CD46: variants seen among roughly 807,000 people sequenced by gnomAD.
CD46 encodes the protein membrane cofactor protein.
CD46 carries 30 observed loss-of-function variants against 53.3 expected under a neutral mutation model. The observed-to-expected ratio is 0.56, with a 90% confidence interval of 0.42 to 0.76. CD46 has a LOEUF of 0.76. CD46 is among the 30% of genes least tolerant of loss of function. The pLI is 0.00. For missense variants in CD46, 409 were observed against 463.0 expected (o/e 0.88, Z 1.07); for synonymous variants, 142 against 152.0 (o/e 0.93, Z 0.48).
intron 7 of CD46, chr1:207,768,185 C>G (rs1657075503): frequency 4.4e-6 from 1 of 226,912 alleles, no homozygotes; most frequent in Non-Finnish European, 8.7e-6. Flanking sequence ...GCTCTTAGAG[C>G]TAGCCAATAT....
chr1:207,764,593 C>T (rs1656635456), intron 5 of CD46, among the ~76,000 whole-genome samples: 1 of 152,038 alleles, frequency 6.6e-6, no homozygotes, highest in Admixed American at 6.6e-5. Flanking sequence ...GATTACTTTA[C>T]AAAATTATTC....
In CD46 at chr1:207,757,768, C is replaced by A. The variant is rs1313736757; in HGVS notation, c.389+126C>A. Reference sequence around the variant, plus strand: ...GTGACAAGTTATACTTCTAGCCAAACAACTCTTGGATGTTTTATGGAGATA... The same window carrying A: ...GTGACAAGTTATACTTCTAGCCAAAAAACTCTTGGATGTTTTATGGAGATA... On this transcript the variant is annotated intron_variant, in intron 3 of 12. Coordinates refer to ENST00000367042, the MANE Select transcript of CD46 (RefSeq NM_172351.3). 22 of 700,168 alleles carry A rather than the reference C, an allele frequency of 3.1e-5. No homozygotes were observed. The Admixed American group carries it at 3.3e-4, about 10-fold the overall frequency. 43.4% of individuals were successfully genotyped at this position (700,168 alleles called of 1,614,324 possible).
intron 7 of CD46, chr1:207,768,528 A>T (rs1282260175): frequency 3.3e-5 from 5 of 151,660 alleles, no homozygotes; most frequent in Admixed American, 6.6e-5. Flanking sequence ...AATGTTATTT[A>T]TTTTTTTTCT....
Position 207,767,173 on chromosome 1 carries a change from C to G in CD46, c.834C>G (p.Pro278=), listed in dbSNP as rs201331374. The G allele has an allele frequency of 1.2e-6, 2 of 1,613,770 alleles. No individual in the cohort carries two copies. Among genetic ancestry groups the G allele is most frequent in the Non-Finnish European group, 1.7e-6 (2 of 1,179,668 alleles). The change falls in exon 6 of 13, where the codon CCC becomes CCG. Residue 278 remains proline (P), a synonymous_variant. Transcript: ENST00000367042. ...GTGACAGTAACAGTACTTGGGATCC[C>G]CCAGTTCCAAAGTGTCTTAAAGGTA... The part of the protein sequence containing the change: ...IVCDSNSTWD[P]PVPKCLKVST...
In CD46 at chr1:207,767,159, A is replaced by G. The variant is rs1656953684; in HGVS notation, c.820A>G (p.Ser274Gly). The change falls in exon 6 of 13, where the codon AGT becomes GGT. Residue 274 changes from serine to glycine, a missense_variant. Physicochemically the swap from Ser to Gly is moderately conservative, Grantham distance 56. Coordinates refer to ENST00000367042, the MANE Select transcript of CD46 (RefSeq NM_172351.3). Reference protein sequence around the residue: ...GSDTIVCDSNSTWDPPVPKCL... With the variant: ...GSDTIVCDSNGTWDPPVPKCL... ...CGACACAATTGTCTGTGACAGTAAC[A>G]GTACTTGGGATCCCCCAGTTCCAAA... The G allele has an allele frequency of 3.7e-6, 6 of 1,613,820 alleles. No individual in the cohort carries two copies. The Admixed American group carries it at 6.7e-5, about 18-fold the overall frequency.
intron 3 of CD46, among the ~76,000 whole-genome samples, chr1:207,759,257 A>G (rs1655907426): frequency 6.6e-6 from 1 of 152,228 alleles, no homozygotes; most frequent in Admixed American, 6.5e-5. Context: ...GTTGAGAAGC[A>G]GGGACTTGAA....
intron 8 of CD46, among the ~76,000 whole-genome samples, chr1:207,773,527 C>G (rs1187036997): frequency 1.3e-5 from 2 of 151,974 alleles, no homozygotes; most frequent in African/African-American, 4.8e-5. Flanking sequence ...CTCTTGTGGG[C>G]ATTTAGTGCT....
In CD46 at chr1:207,786,037, T is replaced by A. The variant is rs553803033; in HGVS notation, c.1082+355T>A. The A allele has an allele frequency of 4.1e-5, 9 of 222,076 alleles. No individual in the cohort carries two copies. In the South Asian group the frequency reaches 5.9e-4, roughly 14 times the overall value. 13.8% of individuals were successfully genotyped at this position (222,076 alleles called of 1,614,324 possible). A position where few individuals can be genotyped will look rare whatever the true frequency, so the allele number is the denominator to read the frequency against. ...ATTGCACTAATGGCCAAAATTAAAT[T>A]TAAAGTATTTCACTGTGGAGACTTT... On this transcript the variant is annotated intron_variant, in intron 11 of 12. Transcript: ENST00000367042.
At chr1:207,787,645 G>C (rs1659393367) in intron 11 of CD46, among the ~76,000 whole-genome samples, 1 of 152,172 alleles carries the variant, frequency 6.6e-6, no homozygotes, top group East Asian at 1.9e-4. Flanking sequence ...TGGTGTGAGA[G>C]ACGAAACTCC....
chr1:207,752,301 C>G lies in CD46; in HGVS notation c.89C>G (p.Ser30Cys), dbSNP rs780260959. 1.4e-5 allele frequency: 22 copies of G among 1,613,938 alleles called. No individual in the cohort carries two copies. Among genetic ancestry groups the G allele is most frequent in the Admixed American group, 3.3e-5 (2 of 60,008 alleles). Residue 30 changes from serine to cysteine, a missense_variant, in exon 1 of 13, where the codon TCC (serine) becomes TGC (cysteine). Transcript: ENST00000367042. The surrounding 1 kb of genome is among the most constrained non-coding windows in gnomAD (Gnocchi z 4.1). ...LLAAMVLLLYSFSDACEEPPT... is the reference protein window; with the variant it reads ...LLAAMVLLLYCFSDACEEPPT... ...GCGGCCATGGTGTTGCTGCTGTACT[C>G]CTTCTCCGGTAGGACCCCGGGGCGG...
chr1:207,793,437 T>C, intron 12 of CD46, 82 bp from the exon 13 acceptor site: 1 of 1,060,916 alleles, frequency 9.4e-7, no homozygotes, highest in South Asian at 1.3e-5. Flanking sequence ...TAATTGTTCA[T>C]TTTCTGAATA....
rs141957094 is a variant in CD46 at position 207,778,426 on chromosome 1, A to G, written c.944-4866A>G. On this transcript the variant is annotated intron_variant, in intron 8 of 12. Coordinates refer to ENST00000367042, the MANE Select transcript of CD46 (RefSeq NM_172351.3). ...GGGTTTTTATAGTTTTGGGTTTTAC[A>G]TGCAAATCTTTAATCCATCTTGAGT... is the stretch of plus-strand genomic sequence containing the variant. Among the ~76,000 whole-genome samples, 1,166 of 152,292 alleles carry G rather than the reference A, an allele frequency of 7.7e-3. 15 individuals carry two copies. Among genetic ancestry groups the G allele is most frequent in the East Asian group, 0.036 (189 of 5,182 alleles).
chr1:207,758,208 C>G (rs193007577), intron 3 of CD46, among the ~76,000 whole-genome samples: 2 of 152,106 alleles, frequency 1.3e-5, no homozygotes, highest in Admixed American at 1.3e-4. Flanking sequence ...ATTGGAGATA[C>G]TAGACATTTA....
chr1:207,787,274 G>A (rs1375566319), intron 11 of CD46, among the ~76,000 whole-genome samples: 2 of 152,176 alleles, frequency 1.3e-5, no homozygotes, highest in Admixed American at 1.3e-4. Flanking sequence ...GTTTCACCAT[G>A]TTGGTCAGGC....
intron 5 of CD46, among the ~76,000 whole-genome samples, chr1:207,762,289 A>G (rs1656305003): frequency 6.6e-6 from 1 of 152,246 alleles, no homozygotes; most frequent in Admixed American, 6.5e-5. Flanking sequence ...GGGAATGTAT[A>G]GCATAATATA....
At chr1:207,766,180 A>G (rs947036482) in intron 5 of CD46, among the ~76,000 whole-genome samples, 5 of 152,170 alleles carry the variant, frequency 3.3e-5, no homozygotes, top group African/African-American at 4.8e-5. Flanking sequence ...AGCATGAGGA[A>G]ATTCTGGAGA....
chr1:207,757,399 T>C, intron 2 of CD46, 141 bp from the exon 3 acceptor site: 1 of 779,926 alleles, frequency 1.3e-6, no homozygotes, highest in South Asian at 1.5e-5. Context: ...TGGGTGAATA[T>C]GAATCTTAAG....
chr1:207,788,238 C>T (rs910234417), intron 11 of CD46, among the ~76,000 whole-genome samples: 32 of 152,106 alleles, frequency 2.1e-4, no homozygotes, highest in Non-Finnish European at 3.7e-4. Context: ...GATTTCCAGC[C>T]GGGCCTGGTG....
At chr1:207,785,756 G>A (rs2102690361) in intron 11 of CD46, 74 bp downstream of exon 11, 1 of 953,798 alleles carries the variant, frequency 1.0e-6, no homozygotes, top group African/African-American at 1.7e-5. Flanking sequence ...GCTTCAGTTT[G>A]TAATCTGTAT....
Sources: gnomAD v4.1 joint callset for allele counts (sites outside exome capture counted in the v4.1 genomes callset) on GRCh38, gnomAD v4.1.1 for gene constraint, Gnocchi (gnomAD v3.1) non-coding constraint, MANE v1.5 for transcripts, NCBI Gene and HGNC (gene_info 2026-07-23, HGNC 2026-07-21) for gene names.